KAZN: variants seen among roughly 807,000 people sequenced by gnomAD.
The protein encoded by KAZN is kazrin, periplakin interacting protein, also known as kazrin.
A neutral mutation model predicts 87.4 loss-of-function variants in KAZN; 40 were observed. That is an observed-to-expected ratio of 0.46 (90% confidence interval 0.36 to 0.60). The LOEUF (loss-of-function observed/expected upper bound fraction) is 0.60, where lower values mean the gene tolerates loss of function less well. Ranked by LOEUF, KAZN falls within the 20% of genes least tolerant of loss-of-function variation. The pLI is 0.00. For synonymous variants in KAZN, 466 were observed against 458.3 expected (o/e 1.02, Z -0.22); for missense variants, 898 against 1,073.9 (o/e 0.84, Z 2.29).
intron 2 of KAZN, among the ~76,000 whole-genome samples, chr1:14,540,792 T>C (rs1156748584): frequency 6.6e-6 from 1 of 152,226 alleles, no homozygotes; most frequent in Non-Finnish European, 1.5e-5. Context: ...TGCTTTGTCC[T>C]AATATGAGTG....
intron 2 of KAZN, among the ~76,000 whole-genome samples, chr1:14,239,836 C>T (rs1410579224): frequency 2.0e-5 from 3 of 151,918 alleles, no homozygotes; most frequent in Non-Finnish European, 4.4e-5. Flanking sequence ...TTTTGGTTGC[C>T]ACAACCAACA....
In KAZN at chr1:15,104,168, G is replaced by T. The variant is rs1360178766; in HGVS notation, c.2027G>T (p.Ser676Ile). The part of the protein sequence containing the change: ...ILRRHLAEEM[S>I]AVFHPANSTG... ...CGGAGACACCTGGCAGAGGAGATGAGCGCCGTCTTCCACCCAGCCAAGTGA... is the reference window on the plus strand; with the variant it reads ...CGGAGACACCTGGCAGAGGAGATGATCGCCGTCTTCCACCCAGCCAAGTGA... The change falls in exon 13 of 15, where the codon AGC (serine) becomes ATC (isoleucine). Residue 676 changes from serine (S) to isoleucine (I), a missense_variant. By Grantham distance (142) the Ser-to-Ile change is moderately radical. Transcript: ENST00000376030. 3 of 1,590,818 alleles carry T rather than the reference G, an allele frequency of 1.9e-6. No individual in the cohort carries two copies. The highest frequency in any genetic ancestry group is 2.6e-6 in the Non-Finnish European group (3 of 1,169,164).
intron 2 of KAZN, among the ~76,000 whole-genome samples, chr1:14,326,017 T>G (rs886611319): frequency 2.6e-5 from 4 of 152,160 alleles, no homozygotes; most frequent in Non-Finnish European, 4.4e-5. Flanking sequence ...TGTCCTGGCT[T>G]GAGAAATCAT....
At chr1:14,953,854 G>A (rs910913321) in intron 1 of KAZN, among the ~76,000 whole-genome samples, 21 of 152,156 alleles carry the variant, frequency 1.4e-4, no homozygotes, top group Non-Finnish European at 2.5e-4. Flanking sequence ...CCTTATTTTT[G>A]TAAGAGTCAT....
At chr1:14,768,880 C>T (rs780680275) in intron 1 of KAZN, among the ~76,000 whole-genome samples, 14 of 152,178 alleles carry the variant, frequency 9.2e-5, no homozygotes, top group South Asian at 2.1e-4. Flanking sequence ...CGGAGATTCG[C>T]GCCATGTGAA....
intron 1 of KAZN, among the ~76,000 whole-genome samples, chr1:14,710,015 G>A (rs943007413): frequency 3.9e-4 from 60 of 152,096 alleles, no homozygotes; most frequent in Non-Finnish European, 7.4e-4. Context: ...CGTGTCATAC[G>A]CCGTCACATA....
intron 2 of KAZN, among the ~76,000 whole-genome samples, chr1:14,330,865 A>T (rs1656807211): frequency 1.3e-5 from 2 of 152,200 alleles, no homozygotes; most frequent in Admixed American, 6.5e-5. Context: ...GACTCCCGGG[A>T]TATATCACTA....
chr1:14,343,949 T>C (rs1032063104), intron 2 of KAZN, among the ~76,000 whole-genome samples: 1 of 152,180 alleles, frequency 6.6e-6, no homozygotes, highest in Non-Finnish European at 1.5e-5. Context: ...AGCTGCATTG[T>C]ACTAAAACTA....
At chr1:14,156,921 T>C (rs1645607003) in intron 1 of KAZN, among the ~76,000 whole-genome samples, 2 of 151,810 alleles carry the variant, frequency 1.3e-5, no homozygotes, top group Admixed American at 6.6e-5. Flanking sequence ...TTTTTTTTTT[T>C]TTTTTCCTTG....
In KAZN at chr1:14,651,617, G is replaced by T. The variant is rs752346361; in HGVS notation, c.226+52394G>T. ...CAAAACCATTGACTCAGTCTTGAGG[G>T]TTTCATTCTATGGAAGCATTGTTGA... is the stretch of plus-strand genomic sequence containing the variant. On this transcript the variant is annotated intron_variant, in intron 1 of 14. Coordinates refer to ENST00000376030, the MANE Select transcript of KAZN (RefSeq NM_201628.3). Among the ~76,000 whole-genome samples, 16 of 152,276 alleles carry T rather than the reference G, an allele frequency of 1.1e-4. No individual in the cohort carries two copies. In the East Asian group the frequency reaches 2.7e-3, roughly 26 times the overall value.
Position 15,103,430 on chromosome 1 carries a change from G to A in KAZN, c.1851G>A (p.Val617=), listed in dbSNP as rs1573310227. The A allele has an allele frequency of 6.4e-7, 1 of 1,552,568 alleles. No homozygotes were observed. The highest frequency in any genetic ancestry group is 8.7e-7 in the Non-Finnish European group (1 of 1,147,520). The part of the protein sequence containing the change: ...IDPVVWTNQR[V]LKWVRDIDLK... ...CCGTGGTGTGGACCAACCAGCGGGT[G>A]CTCAAGTGGGTTCGAGACATCGACC... The change falls in exon 12 of 15, where the codon GTG becomes GTA. Residue 617 remains valine, a synonymous_variant. Coordinates refer to ENST00000376030, the MANE Select transcript of KAZN (RefSeq NM_201628.3).
At chr1:14,558,323 G>A (rs997192247) in intron 2 of KAZN, among the ~76,000 whole-genome samples, 1 of 152,158 alleles carries the variant, frequency 6.6e-6, no homozygotes, top group Non-Finnish European at 1.5e-5. Flanking sequence ...GGGCTCAGCT[G>A]CAAGTACCAA....
At chr1:14,529,424 C>T (rs746971034) in intron 2 of KAZN, among the ~76,000 whole-genome samples, 7 of 152,260 alleles carry the variant, frequency 4.6e-5, no homozygotes, top group Admixed American at 1.3e-4. Flanking sequence ...GCAAAGAGAA[C>T]GAAAGAGTCA....
intron 1 of KAZN, among the ~76,000 whole-genome samples, chr1:14,604,855 C>A (rs959001964): frequency 1.3e-5 from 2 of 152,192 alleles, no homozygotes; most frequent in Non-Finnish European, 2.9e-5. Context: ...GCCCCAGGGC[C>A]TCTGCCCACT....
At chr1:13,930,255 G>A (rs931510303) in intron 1 of KAZN, among the ~76,000 whole-genome samples, 1 of 152,144 alleles carries the variant, frequency 6.6e-6, no homozygotes, top group East Asian at 1.9e-4. Context: ...CAAGTCTCAC[G>A]TTTCTGCTAC....
intron 8 of KAZN, among the ~76,000 whole-genome samples, chr1:15,074,690 G>A (rs544064810): frequency 3.3e-5 from 5 of 152,158 alleles, no homozygotes; most frequent in African/African-American, 4.8e-5. Context: ...ACTCTTTCAC[G>A]GGGAGATGGG....
intron 1 of KAZN, among the ~76,000 whole-genome samples, chr1:14,751,337 C>T (rs561855948): frequency 2.3e-4 from 35 of 152,264 alleles, no homozygotes; most frequent in Admixed American, 2.0e-3. Context: ...TTTTCATTCA[C>T]GTTGTTAGAG....
At chr1:14,342,855 G>A (rs550655955) in intron 2 of KAZN, among the ~76,000 whole-genome samples, 2 of 152,108 alleles carry the variant, frequency 1.3e-5, no homozygotes, top group Non-Finnish European at 2.9e-5. Flanking sequence ...ACTCTTGTAT[G>A]TAGTGACAGG....
At chr1:14,416,991 T>C (rs1664829792) in intron 2 of KAZN, among the ~76,000 whole-genome samples, 1 of 117,384 alleles carries the variant, frequency 8.5e-6, no homozygotes, top group South Asian at 3.1e-4. Flanking sequence ...TGTATATATA[T>C]GTGTGTATGT....
Sources: allele counts gnomAD v4.1 joint callset (sites outside exome capture counted in the v4.1 genomes callset), GRCh38; gene constraint gnomAD v4.1.1; transcripts MANE v1.5; gene names NCBI Gene and HGNC (gene_info 2026-07-23, HGNC 2026-07-21).